The following ZDHHC18 variants were observed in gnomAD, a reference collection of about 807,000 sequenced individuals.
The protein encoded by ZDHHC18 is palmitoyltransferase ZDHHC18.
ZDHHC18 carries 23 observed loss-of-function variants against 37.5 expected under a neutral mutation model. The ratio of observed to expected loss-of-function variants is 0.61; its 90% CI spans 0.44 to 0.87. The LOEUF (loss-of-function observed/expected upper bound fraction) is 0.87. Ranked by LOEUF, ZDHHC18 falls within the 40% of genes least tolerant of loss-of-function variation. ZDHHC18 has a pLI of 0.00. For synonymous variants in ZDHHC18, 185 were observed against 218.7 expected (o/e 0.85, Z 1.36); for missense variants, 406 against 525.6 (o/e 0.77, Z 2.22).
At chr1:26,835,619 T>C (rs1218059488) in intron 2 of ZDHHC18, among the ~76,000 whole-genome samples, 1 of 152,178 alleles carries the variant, frequency 6.6e-6, no homozygotes, top group East Asian at 1.9e-4. Flanking sequence ...AATAATCGCT[T>C]GAACCAGGGA....
At chr1:26,836,451 AC>A (rs962735461) in intron 2 of ZDHHC18, among the ~76,000 whole-genome samples, 5 of 149,808 alleles carry the variant, frequency 3.3e-5, no homozygotes, top group African/African-American at 1.2e-4. Context: ...CCCCCCACAA[AC>A]CCCACAGAAT....
At chr1:26,852,605 T>C in intron 6 of ZDHHC18, 148 bp from the exon 7 acceptor site, 1 of 643,240 alleles carries the variant, frequency 1.6e-6, no homozygotes, top group Non-Finnish European at 2.7e-6. Context: ...CCCCACATTC[T>C]CATTGAATGG....
At chr1:26,842,100 C>T (rs944376513) in intron 2 of ZDHHC18, among the ~76,000 whole-genome samples, 6 of 150,738 alleles carry the variant, frequency 4.0e-5, no homozygotes, top group Non-Finnish European at 7.4e-5. Context: ...CGCCACTGCA[C>T]TCCAGCCTGG....
At chr1:26,851,626 C>T (rs939302446) in intron 6 of ZDHHC18, among the ~76,000 whole-genome samples, 8 of 152,230 alleles carry the variant, frequency 5.3e-5, no homozygotes, top group African/African-American at 1.2e-4. Flanking sequence ...TTTCCCCATT[C>T]GATGACTGAG....
In ZDHHC18 at chr1:26,848,679, A is replaced by T; in HGVS notation, c.568A>T (p.Lys190Ter). The part of the protein sequence containing the change: ...REVLINGQMV[K>*]LKYCFTCKMF... ...GGTGCTGATCAACGGGCAGATGGTG[A>T]AGCTGAAGTACTGCTTCACCTGCAA... The change falls in exon 3 of 8, where the codon AAG becomes TAG. Residue 190 changes from lysine (K) to a stop codon, truncating the protein, a stop_gained. Transcript: ENST00000374142. LOFTEE classifies it high-confidence loss of function. 6.2e-7 allele frequency: 1 copy of T among 1,614,118 alleles called. No homozygotes were observed.
Position 26,853,868 on chromosome 1 carries a change from C to T in ZDHHC18, c.*25C>T. On this transcript the variant is annotated 3_prime_UTR_variant, in exon 8 of 8. Transcript: ENST00000374142. Reference sequence around the variant, plus strand: ...ACCACGGCTCAGTACTTGCCACCTGCTGGCCTGTCTGACCCTCCGCACTCA... The same window carrying T: ...ACCACGGCTCAGTACTTGCCACCTGTTGGCCTGTCTGACCCTCCGCACTCA... 5 of 1,597,450 alleles carry T rather than the reference C, an allele frequency of 3.1e-6. No homozygotes were observed. Among genetic ancestry groups the T allele is most frequent in the Non-Finnish European group, 4.3e-6 (5 of 1,167,194 alleles).
intron 6 of ZDHHC18, 138 bp from the exon 7 acceptor site, chr1:26,852,615 G>A: frequency 3.0e-6 from 2 of 669,712 alleles, no homozygotes; most frequent in Non-Finnish European, 2.6e-6. Flanking sequence ...TCATTGAATG[G>A]CCCACATGAA....
Position 26,850,529 on chromosome 1 carries a change from C to G in ZDHHC18, c.785-29C>G. The G allele has an allele frequency of 1.2e-6, 2 of 1,614,210 alleles. No individual in the cohort carries two copies. The highest frequency in any genetic ancestry group is 1.7e-6 in the Non-Finnish European group (2 of 1,180,040). ...CTTCAGCAGTCACTGTCCCTCTGAG[C>G]TTGTCCTCTCCTGTTTCTTTCTCCC... On this transcript the variant is annotated intron_variant, in intron 4 of 7. Transcript: ENST00000374142. This position sits in a 1 kb window ranked among gnomAD's most constrained non-coding sequence, Gnocchi z 6.1.
At chr1:26,832,396 C>A in intron 1 of ZDHHC18, 51 bp from the exon 2 acceptor site, 1 of 1,605,198 alleles carries the variant, frequency 6.2e-7, no homozygotes, top group South Asian at 1.1e-5. Context: ...AGCCCTGTGC[C>A]GCAGGGAGCC....
In ZDHHC18 at chr1:26,853,972, C is replaced by T. The variant is rs530795551; in HGVS notation, c.*129C>T. ...AAGTCTTTTCATATTTATTTCCCAT[C>T]CTGCGTGGCTTTCCCTGAACTGTTC... On this transcript the variant is annotated 3_prime_UTR_variant, in exon 8 of 8. Coordinates refer to ENST00000374142, the MANE Select transcript of ZDHHC18 (RefSeq NM_032283.3). 22 of 867,076 alleles carry T rather than the reference C, an allele frequency of 2.5e-5. No homozygotes were observed. In the African/African-American group the frequency reaches 2.8e-4, roughly 11 times the overall value. The allele number at this position is 867,076 out of a possible 1,614,324, so 53.7% of individuals were successfully genotyped here. A position where few individuals can be genotyped will look rare whatever the true frequency, so the allele number is the denominator to read the frequency against.
rs1398458554 is a variant in ZDHHC18, at chr1:26,852,878, G to A, written c.1049+13G>A. 6.2e-7 allele frequency: 1 copy of A among 1,612,664 alleles called. No homozygotes were observed. Among genetic ancestry groups the A allele is most frequent in the South Asian group, 1.1e-5 (1 of 91,044 alleles). ...CCCTACCTCCCAGGTAAGTGAGCGG[G>A]GTGCGGAAGAGGGGTAACAGGGCCA... On this transcript the variant is annotated intron_variant, in intron 7 of 7. Transcript: ENST00000374142.
chr1:26,847,674 T>C (rs1419685778), intron 2 of ZDHHC18, among the ~76,000 whole-genome samples: 1 of 152,062 alleles, frequency 6.6e-6, no homozygotes, highest in Non-Finnish European at 1.5e-5. Flanking sequence ...TCTCTGCCTC[T>C]CTTTCTCTCT....
At chr1:26,847,761 A>G (rs967646191) in intron 2 of ZDHHC18, among the ~76,000 whole-genome samples, 1 of 150,982 alleles carries the variant, frequency 6.6e-6, no homozygotes, top group Non-Finnish European at 1.5e-5. Context: ...GACTCACTGC[A>G]GCCTTCACCC....
intron 2 of ZDHHC18, among the ~76,000 whole-genome samples, chr1:26,846,226 G>GTATATATATGTGTATA (rs1557644302): frequency 1.6e-5 from 2 of 125,816 alleles, no homozygotes; most frequent in East Asian, 4.8e-4. Context: ...ATATATATGT[G>GTATATATATGTGTATA]TATATAGAGA....
At chr1:26,849,926 T>G (rs1257030679) in intron 3 of ZDHHC18, among the ~76,000 whole-genome samples, 1 of 152,172 alleles carries the variant, frequency 6.6e-6, no homozygotes, top group African/African-American at 2.4e-5. Flanking sequence ...GTAGGGCTGA[T>G]TGGCCAATCC....
intron 2 of ZDHHC18, among the ~76,000 whole-genome samples, chr1:26,835,543 A>T (rs1417668264): frequency 6.6e-6 from 1 of 152,136 alleles, no homozygotes; most frequent in East Asian, 1.9e-4. Context: ...TCTAGTAAAA[A>T]TACAAAAATT....
At chr1:26,830,383 G>A (rs996449857) in intron 1 of ZDHHC18, among the ~76,000 whole-genome samples, 7 of 152,174 alleles carry the variant, frequency 4.6e-5, no homozygotes, top group East Asian at 3.8e-4. Flanking sequence ...CTGTAAAGTG[G>A]GGAGCATAAC....
rs1195370593 is a variant in ZDHHC18, at chr1:26,826,978, G to T, written c.174G>T (p.Gly58=). 9 of 1,222,458 alleles carry T rather than the reference G, an allele frequency of 7.4e-6. No homozygotes were observed. The highest frequency in any genetic ancestry group is 9.2e-6 in the Non-Finnish European group (9 of 981,820). The allele number at this position is 1,222,458 out of a possible 1,614,324, so 75.7% of individuals were successfully genotyped here. The change falls in exon 1 of 8, where the codon GGG becomes GGT. Residue 58 remains glycine, a synonymous_variant. Coordinates refer to ENST00000374142, the MANE Select transcript of ZDHHC18 (RefSeq NM_032283.3). The surrounding 1 kb of genome is among the most constrained non-coding windows in gnomAD (Gnocchi z 5.2). ...WSSSGSGSGS[G]SGSLGRRPRR... ...GCAGCGGCAGCGGCAGCGGCAGCGG[G>T]AGCGGGAGCCTCGGCCGCCGCCCAC... is the stretch of plus-strand genomic sequence containing the variant.
At chr1:26,845,776 G>A (rs78465272) in intron 2 of ZDHHC18, among the ~76,000 whole-genome samples, 15 of 151,816 alleles carry the variant, frequency 9.9e-5, no homozygotes, top group Non-Finnish European at 1.5e-4. Context: ...TCTTTTGTTT[G>A]TTTGAGACAG....
Sources: allele counts gnomAD v4.1 joint callset (sites outside exome capture counted in the v4.1 genomes callset), GRCh38; gene constraint gnomAD v4.1.1; non-coding constraint Gnocchi (gnomAD v3.1); transcripts MANE v1.5; gene names NCBI Gene and HGNC (gene_info 2026-07-23, HGNC 2026-07-21).